Variants in LMF1 observed in about 807,000 individuals in gnomAD.
The protein encoded by LMF1 is transmembrane protein 112.
In LMF1, 68 loss-of-function variants were observed where a neutral mutation model predicts 60.6. The ratio of observed to expected loss-of-function variants is 1.12; its 90% CI spans 0.92 to 1.37. The LOEUF (loss-of-function observed/expected upper bound fraction) is 1.37, where lower values mean the gene tolerates loss of function less well. Among genes scored for constraint, LMF1 ranks in the 40% most tolerant of loss-of-function variants. The probability of loss-of-function intolerance (pLI) is 0.00; values close to 1 mark genes in which losing one functional copy is unlikely to be tolerated. For missense variants in LMF1, 948 were observed against 767.2 expected (o/e 1.24, Z -2.78); for synonymous variants, 418 against 324.7 (o/e 1.29, Z -3.09).
At chr16:879,077 G>A (rs988365471) in intron 6 of LMF1, among the ~76,000 whole-genome samples, 1 of 152,118 alleles carries the variant, frequency 6.6e-6, no homozygotes, top group African/African-American at 2.4e-5. Context: ...GGCAGGACGG[G>A]GCGTTAGGGG....
chr16:892,821 G>A lies in LMF1; in HGVS notation c.729+186C>T, dbSNP rs965780766. Among the ~76,000 whole-genome samples the A allele has an allele frequency of 1.1e-4, 16 of 152,272 alleles. 1 individual carries two copies. Among genetic ancestry groups the A allele is most frequent in the African/African-American group, 3.6e-4 (15 of 41,556 alleles). On this transcript the variant is annotated intron_variant, in intron 5 of 10. Transcript: ENST00000262301. ...ATGGAGGGCCACAGACCCCGTCCCC[G>A]CAGCCCCAGCAAGCCCCCGTGTGAC...
At chr16:863,235 G>C (rs142336848) in intron 10 of LMF1, among the ~76,000 whole-genome samples, 15 of 152,098 alleles carry the variant, frequency 9.9e-5, no homozygotes, top group South Asian at 2.1e-4. Context: ...CTGCAGTCTC[G>C]GCTCGAGCAA....
intron 6 of LMF1, among the ~76,000 whole-genome samples, chr16:875,381 C>T (rs1485394863): frequency 6.6e-6 from 1 of 152,142 alleles, no homozygotes; most frequent in African/African-American, 2.4e-5. Context: ...CTCATCTAAC[C>T]CCCTGGCCAG....
In LMF1 at chr16:881,035, G is replaced by A. The variant is rs1209708999; in HGVS notation, c.730-1298C>T. The stretch of plus-strand genomic sequence containing the variant: ...GCAGGGAGGGAGGCGGCCCCCAGAC[G>A]CTTCAGAATCCGCACCCAGGTCCTG... On this transcript the variant is annotated intron_variant, in intron 5 of 10. Transcript: ENST00000262301. Among the ~76,000 whole-genome samples, 3 of 152,340 alleles carry A rather than the reference G, an allele frequency of 2.0e-5. No individual in the cohort carries two copies. The East Asian group carries it at 5.8e-4, about 29-fold the overall frequency.
At chr16:908,690 T>A (rs2071029528) in intron 4 of LMF1, among the ~76,000 whole-genome samples, 1 of 152,236 alleles carries the variant, frequency 6.6e-6, no homozygotes, top group African/African-American at 2.4e-5. Context: ...GGCTGCAGCA[T>A]GCGGGAGCGG....
intron 1 of LMF1, among the ~76,000 whole-genome samples, chr16:956,619 G>A (rs1001290150): frequency 1.5e-4 from 23 of 152,070 alleles, no homozygotes; most frequent in African/African-American, 5.1e-4. Flanking sequence ...CAAGGCAGGC[G>A]GATCACCTGA....
intron 3 of LMF1, among the ~76,000 whole-genome samples, chr16:914,611 C>T (rs2071222736): frequency 3.3e-5 from 3 of 90,808 alleles, no homozygotes; most frequent in Non-Finnish European, 4.9e-5. Context: ...CACACTCCCT[C>T]CCTCCCCATG....
chr16:954,321 G>C lies in LMF1; in HGVS notation c.503+36C>G, dbSNP rs747138499. On this transcript the variant is annotated intron_variant, in intron 2 of 10. Coordinates refer to ENST00000262301, the MANE Select transcript of LMF1 (RefSeq NM_022773.4). ...CAGTGCCTGTGCTGAGTGACAGCAA[G>C]CCCTAAGCTCCGACCGCCCCATTCC... 5 of 1,591,996 alleles carry C rather than the reference G, an allele frequency of 3.1e-6. No homozygotes were observed. The East Asian group carries it at 9.1e-5, about 29-fold the overall frequency.
intron 4 of LMF1, among the ~76,000 whole-genome samples, chr16:906,994 G>A (rs773677590): frequency 2.6e-5 from 4 of 152,084 alleles, no homozygotes; most frequent in Non-Finnish European, 4.4e-5. Context: ...GCTATCTTTC[G>A]AGGCATACAG....
chr16:875,746 C>T (rs915384633), intron 6 of LMF1, among the ~76,000 whole-genome samples: 31 of 152,296 alleles, frequency 2.0e-4, no homozygotes, highest in East Asian at 5.8e-4. Flanking sequence ...GGACCGGCCT[C>T]GGAACCAGAC....
chr16:888,188 T>C (rs1181835889), intron 5 of LMF1, among the ~76,000 whole-genome samples: 3 of 152,174 alleles, frequency 2.0e-5, no homozygotes, highest in African/African-American at 7.2e-5. Context: ...GGGGTACTCC[T>C]GCAGGCAGCA....
intron 1 of LMF1, among the ~76,000 whole-genome samples, chr16:966,413 G>A (rs1035226268): frequency 6.6e-6 from 1 of 152,220 alleles, no homozygotes; most frequent in African/African-American, 2.4e-5. Context: ...CACATGGACC[G>A]ACAGACGAAA....
Position 892,988 on chromosome 16 carries a change from C to A in LMF1, c.729+19G>T. On this transcript the variant is annotated intron_variant, in intron 5 of 10. Transcript: ENST00000262301. Reference sequence around the variant, plus strand: ...CGTGAGACCGGGTGCCCTGCCCTCACGCTGCACGGCACGCTCACCTCATAG... The same window carrying A: ...CGTGAGACCGGGTGCCCTGCCCTCAAGCTGCACGGCACGCTCACCTCATAG... 1 of 1,537,612 alleles carries A rather than the reference C, an allele frequency of 6.5e-7. No homozygotes were observed. The highest frequency in any genetic ancestry group is 8.8e-7 in the Non-Finnish European group (1 of 1,136,574).
rs889553144 is a variant in LMF1 at position 878,085 on chromosome 16, C to A, written c.897+1485G>T. On this transcript the variant is annotated intron_variant, in intron 6 of 10. Transcript: ENST00000262301. The surrounding 1 kb of genome is among the most constrained non-coding windows in gnomAD (Gnocchi z 5.2). ...TGAAGCTATTCCAGGAGCCCCCAGA[C>A]GCGCGTGGGGTCCAGCCACATGGAA... Among the ~76,000 whole-genome samples the A allele has an allele frequency of 6.6e-6, 1 of 151,590 alleles. No individual in the cohort carries two copies. Among genetic ancestry groups the A allele is most frequent in the Non-Finnish European group, 1.5e-5 (1 of 67,928 alleles).
chr16:871,109 C>T (rs2151701481), intron 7 of LMF1, 52 bp downstream of exon 7: 1 of 1,494,318 alleles, frequency 6.7e-7, no homozygotes, highest in Non-Finnish European at 8.9e-7. Context: ...GGGGCTGGCA[C>T]CACCCGACTT....
rs558319333 is a variant in LMF1 at position 874,022 on chromosome 16, G to A, written c.898-2681C>T. On this transcript the variant is annotated intron_variant, in intron 6 of 10. Transcript: ENST00000262301. This position sits in a 1 kb window ranked among gnomAD's most constrained non-coding sequence, Gnocchi z 4.1. Reference sequence around the variant, plus strand: ...GGAATCCAGAGATGAAGCTCCCAGTGGCTGGTGGAGGCCCGGCGGCGGGTG... The same window carrying A: ...GGAATCCAGAGATGAAGCTCCCAGTAGCTGGTGGAGGCCCGGCGGCGGGTG... Among the ~76,000 whole-genome samples, 25 of 152,338 alleles carry A rather than the reference G, an allele frequency of 1.6e-4. No homozygotes were observed. The highest frequency in any genetic ancestry group is 5.8e-4 in the African/African-American group (24 of 41,572).
chr16:891,425 C>T (rs375665866), intron 5 of LMF1, among the ~76,000 whole-genome samples: 2 of 152,210 alleles, frequency 1.3e-5, no homozygotes, highest in African/African-American at 2.4e-5. Context: ...GTGGGCGCCT[C>T]AGCATCTCTT....
Position 907,139 on chromosome 16 carries a change from C to T in LMF1, c.663+3792G>A, listed in dbSNP as rs189918485. Among the ~76,000 whole-genome samples the T allele has an allele frequency of 2.1e-4, 32 of 152,286 alleles. 1 individual carries two copies. In the East Asian group the frequency reaches 2.9e-3, roughly 14 times the overall value. ...CTGATTTGCCAGGTGTGGTGGCTCA[C>T]GCCTGTAATCCCAGCACTTTGGGAG... On this transcript the variant is annotated intron_variant, in intron 4 of 10. Coordinates refer to ENST00000262301, the MANE Select transcript of LMF1 (RefSeq NM_022773.4).
chr16:976,852 G>A (rs749960507), intron 1 of LMF1: 12 of 454,024 alleles, frequency 2.6e-5, no homozygotes, highest in South Asian at 1.7e-4. Context: ...TTCCACATGC[G>A]AACAGCCTGG....
Sources: gnomAD v4.1 joint callset for allele counts (sites outside exome capture counted in the v4.1 genomes callset) on GRCh38, gnomAD v4.1.1 for gene constraint, Gnocchi (gnomAD v3.1) non-coding constraint, MANE v1.5 for transcripts, NCBI Gene and HGNC (gene_info 2026-07-23, HGNC 2026-07-21) for gene names.